ANKRD39: variants seen among roughly 807,000 people sequenced by gnomAD.
ANKRD39 encodes ankyrin repeat domain 39.
In ANKRD39, 18 loss-of-function variants were observed where a neutral mutation model predicts 20.3. The observed-to-expected ratio is 0.89, with a 90% CI of 0.61 to 1.32. The LOEUF (loss-of-function observed/expected upper bound fraction) is 1.32, where lower values mean the gene tolerates loss of function less well. ANKRD39 is among the 40% of genes most tolerant of loss of function. ANKRD39 has a pLI of 0.00. For missense variants in ANKRD39, 243 were observed against 250.7 expected, an observed-to-expected ratio of 0.97 and a Z score of 0.21; for synonymous variants, 106 against 111.9, an observed-to-expected ratio of 0.95 and a Z score of 0.33.
At chr2:96,853,810 T>C (rs1018318028) in intron 2 of ANKRD39, among the ~76,000 whole-genome samples, 3 of 152,184 alleles carry the variant, frequency 2.0e-5, no homozygotes, top group African/African-American at 7.2e-5. Context: ...CATTCCTATC[T>C]CAAAGAATTG....
chr2:96,855,029 T>G (rs979126948), intron 1 of ANKRD39, among the ~76,000 whole-genome samples: 3 of 152,146 alleles, frequency 2.0e-5, no homozygotes, highest in Non-Finnish European at 4.4e-5. Context: ...AGACTGAAAG[T>G]TGCAAAACAA....
intron 2 of ANKRD39, 67 bp downstream of exon 2, chr2:96,854,271 C>T: frequency 6.7e-7 from 1 of 1,492,106 alleles, no homozygotes; most frequent in Non-Finnish European, 9.2e-7. Context: ...AGTCCCCCTC[C>T]TCAGAGAGCA....
At chr2:96,849,102 G>A (rs1202440927) in intron 3 of ANKRD39, among the ~76,000 whole-genome samples, 1 of 152,036 alleles carries the variant, frequency 6.6e-6, no homozygotes, top group Non-Finnish European at 1.5e-5. Context: ...CACCAGACAC[G>A]GCCCCTACCC....
chr2:96,856,935 G>A (rs1213680245), intron 1 of ANKRD39, among the ~76,000 whole-genome samples: 1 of 152,218 alleles, frequency 6.6e-6, no homozygotes, highest in Non-Finnish European at 1.5e-5. Flanking sequence ...AGTGATTGGG[G>A]GAAGAAAAGC....
In ANKRD39 at chr2:96,853,425, G is replaced by A. The variant is rs202117375; in HGVS notation, c.384C>T (p.Asp128=). 2.5e-5 allele frequency: 40 copies of A among 1,585,906 alleles called. No individual in the cohort carries two copies. In the East Asian group the frequency reaches 4.9e-4, roughly 19 times the overall value. ...SHGSNPRVVD[D]DGMTSLHKAA... ...CCTTATGCAGACTGGTCATGCCGTC[G>A]TCATCCACCACCCTGGGGTTGGACC... Residue 128 remains aspartate (D), a synonymous_variant, in exon 3 of 4, where the codon GAC becomes GAT. Transcript: ENST00000393537.
Position 96,853,502 on chromosome 2 carries a change from G to T in ANKRD39, c.307C>A (p.Arg103=). ...QTHGGATALH[R]ASYCGHTEIA... is the part of the protein sequence containing the mutation. ...TCAGTGTGCCCGCAGTAGCTGGCTC[G>T]GTGCAGAGCAGTGGCACCCCCGTGG... The change falls in exon 3 of 4, where the codon CGA becomes AGA. Residue 103 remains arginine, a synonymous_variant. Transcript: ENST00000393537. 1 of 1,613,098 alleles carries T rather than the reference G, an allele frequency of 6.2e-7. No individual in the cohort carries two copies. The highest frequency in any genetic ancestry group is 2.2e-5 in the East Asian group (1 of 44,842).
Position 96,857,907 on chromosome 2 carries a change from C to T in ANKRD39, c.81G>A (p.Glu27=), listed in dbSNP as rs1376249441. 3.2e-6 allele frequency: 5 copies of T among 1,584,412 alleles called. No homozygotes were observed. In the Admixed American group the frequency reaches 7.0e-5, roughly 22 times the overall value. ...SAVLGVQQTL[E]EMDFERGIWS... ...CCTCACCCCTCTCGAAGTCCATCTC[C>T]TCCAGCGTCTGCTGTACGCCGAGCA... The change falls in exon 1 of 4, where the codon GAG becomes GAA. Residue 27 remains glutamate (E), a synonymous_variant. Coordinates refer to ENST00000393537, the MANE Select transcript of ANKRD39 (RefSeq NM_016466.6).
At chr2:96,854,922 C>A (rs2079855531) in intron 1 of ANKRD39, among the ~76,000 whole-genome samples, 1 of 152,158 alleles carries the variant, frequency 6.6e-6, no homozygotes, top group East Asian at 1.9e-4. Context: ...CCGTGCCCAG[C>A]CAGAAACAAC....
At chr2:96,850,829 A>G (rs1415912499) in intron 3 of ANKRD39, among the ~76,000 whole-genome samples, 3 of 152,220 alleles carry the variant, frequency 2.0e-5, no homozygotes, top group Non-Finnish European at 4.4e-5. Context: ...GGCTGTTTAT[A>G]TCTGTCATGT....
intron 3 of ANKRD39, 69 bp downstream of exon 3, chr2:96,853,332 T>C: frequency 1.3e-6 from 2 of 1,496,172 alleles, no homozygotes; most frequent in African/African-American, 1.4e-5. Context: ...TTCCCCATGT[T>C]TTCTACATGA....
Position 96,848,242 on chromosome 2 carries a change from A to T in ANKRD39, c.*59T>A. The T allele has an allele frequency of 6.3e-7, 1 of 1,594,930 alleles. No individual in the cohort carries two copies. The highest frequency in any genetic ancestry group is 8.6e-7 in the Non-Finnish European group (1 of 1,166,790). ...CAGCAGCATGGATGCTGACCAAGGC[A>T]GGGGCTTGGAGAACTGGTCTGTGTA... On this transcript the variant is annotated 3_prime_UTR_variant, in exon 4 of 4. Coordinates refer to ENST00000393537, the MANE Select transcript of ANKRD39 (RefSeq NM_016466.6).
chr2:96,855,664 C>T (rs1331204361), intron 1 of ANKRD39, among the ~76,000 whole-genome samples: 3 of 144,502 alleles, frequency 2.1e-5, no homozygotes, highest in South Asian at 2.2e-4. Flanking sequence ...CAGAGGTTGC[C>T]GTGAGCCAAG....
At chr2:96,853,625 G>C in intron 2 of ANKRD39, 21 bp from the exon 3 acceptor site, 1 of 1,608,744 alleles carries the variant, frequency 6.2e-7, no homozygotes, top group South Asian at 1.1e-5. Context: ...CAGAGACCGA[G>C]GTCAGATGGG....
intron 1 of ANKRD39, among the ~76,000 whole-genome samples, chr2:96,854,695 A>G (rs2079854763): frequency 6.6e-6 from 1 of 152,250 alleles, no homozygotes; most frequent in Admixed American, 6.5e-5. Flanking sequence ...CTTCAAACAC[A>G]GAAGTGCTGG....
Position 96,848,322 on chromosome 2 carries a change from C to T in ANKRD39, c.531G>A (p.Leu177=), listed in dbSNP as rs548270626. Reference sequence around the variant, plus strand: ...CGGCTCAGCTGGATAGCAGGTCCCGCAGGTCACTGTTGCAAGGCAGCAGGT... The same window carrying T: ...CGGCTCAGCTGGATAGCAGGTCCCGTAGGTCACTGTTGCAAGGCAGCAGGT... The part of the protein sequence containing the change: ...ACDLLPCNSD[L]RDLLSS Residue 177 remains leucine (L), a synonymous_variant, in exon 4 of 4, where the codon CTG becomes CTA. Coordinates refer to ENST00000393537, the MANE Select transcript of ANKRD39 (RefSeq NM_016466.6). 36 of 1,614,008 alleles carry T rather than the reference C, an allele frequency of 2.2e-5. No individual in the cohort carries two copies. The highest frequency in any genetic ancestry group is 3.0e-5 in the Non-Finnish European group (35 of 1,180,030).
chr2:96,848,753 G>A (rs2079822891), intron 3 of ANKRD39, among the ~76,000 whole-genome samples: 2 of 152,020 alleles, frequency 1.3e-5, no homozygotes, highest in African/African-American at 2.4e-5. Flanking sequence ...CCCGGGAGGC[G>A]GAGGTTGCAG....
chr2:96,848,375 G>A lies in ANKRD39; in HGVS notation c.478C>T (p.Arg160Trp), dbSNP rs771218314. 20 of 1,614,076 alleles carry A rather than the reference G, an allele frequency of 1.2e-5. No individual in the cohort carries two copies. The South Asian group carries it at 1.4e-4, about 12-fold the overall frequency. Residue 160 changes from arginine to tryptophan, a missense_variant, in exon 4 of 4, where the codon CGG becomes TGG. Arg to Trp is a moderately radical substitution (Grantham distance 101). Transcript: ENST00000393537. The stretch of plus-strand genomic sequence containing the variant: ...CATGCTAGCCGTGCCTTTCGGTCCC[G>A]GATGGCCTTCAGGGCTGGGCTGTGT... ...LQHSPALKAI[R>W]DRKARLACDL...
intron 3 of ANKRD39, among the ~76,000 whole-genome samples, chr2:96,851,526 A>G (rs958588236): frequency 2.0e-5 from 3 of 152,164 alleles, no homozygotes; most frequent in Non-Finnish European, 4.4e-5. Flanking sequence ...CCTGGACTCA[A>G]GCAATTAGCC....
At position 96,848,454 on chromosome 2, in the gene ANKRD39, GAA is replaced by G. The variant is rs2079821011; in HGVS notation, c.409-12_409-11del. 6 of 1,613,710 alleles carry G rather than the reference GAA, an allele frequency of 3.7e-6. No individual in the cohort carries two copies. Among genetic ancestry groups the G allele is most frequent in the Non-Finnish European group, 5.1e-6 (6 of 1,179,692 alleles). ...GACCCCTCTCAGCAGCCTGTGGAGA[GAA>G]AGGCTGGAATCAAAGGGCATACCCC... On this transcript the variant is annotated splice_polypyrimidine_tract_variant and intron_variant, in intron 3 of 3. Coordinates refer to ENST00000393537, the MANE Select transcript of ANKRD39 (RefSeq NM_016466.6).
Sources: allele counts gnomAD v4.1 joint callset (sites outside exome capture counted in the v4.1 genomes callset), GRCh38; gene constraint gnomAD v4.1.1; transcripts MANE v1.5; gene names NCBI Gene and HGNC (gene_info 2026-07-23, HGNC 2026-07-21).